Variants in IGSF11 observed in about 807,000 individuals in gnomAD.
IGSF11 encodes the protein CXADR like 1.
IGSF11 carries 22 observed loss-of-function variants against 41.0 expected under a neutral mutation model. The observed-to-expected ratio is 0.54, with a 90% CI of 0.38 to 0.77. The LOEUF (loss-of-function observed/expected upper bound fraction) is 0.77, where lower values mean the gene tolerates loss of function less well. Among genes scored for constraint, IGSF11 ranks in the 30% least tolerant of loss-of-function variants. The pLI is 0.00. For synonymous variants in IGSF11, 219 were observed against 201.3 expected (o/e 1.09, Z -0.74); for missense variants, 444 against 530.8 (o/e 0.84, Z 1.61).
At chr3:118,921,852 A>C (rs1434522862) in intron 4 of IGSF11, among the ~76,000 whole-genome samples, 2 of 152,202 alleles carry the variant, frequency 1.3e-5, no homozygotes, top group Non-Finnish European at 2.9e-5. Context: ...GTAGTCAAAA[A>C]TCTACCAAAA....
intron 1 of IGSF11, among the ~76,000 whole-genome samples, chr3:118,965,736 G>A (rs540571701): frequency 2.4e-4 from 37 of 152,004 alleles, no homozygotes; most frequent in Non-Finnish European, 3.8e-4. Context: ...AAGCATTAGG[G>A]TAATTTTAAT....
At chr3:119,009,182 A>T in intron 1 of IGSF11, among the ~76,000 whole-genome samples, 1 of 151,834 alleles carries the variant, frequency 6.6e-6, no homozygotes, top group East Asian at 1.9e-4. Context: ...TAAATTTTAG[A>T]GGCCAACTAA....
At chr3:119,081,406 T>C (rs1297155654) in intron 1 of IGSF11, among the ~76,000 whole-genome samples, 1 of 152,182 alleles carries the variant, frequency 6.6e-6, no homozygotes, top group Non-Finnish European at 1.5e-5. Context: ...ATAACCATAA[T>C]ACCTAGGTGA....
At chr3:118,971,890 A>AAAATTTT (rs1933484117) in intron 1 of IGSF11, among the ~76,000 whole-genome samples, 1 of 152,150 alleles carries the variant, frequency 6.6e-6, no homozygotes, top group African/African-American at 2.4e-5. Flanking sequence ...CTGATACCTG[A>AAAATTTT]AAATTTTAGT....
intron 1 of IGSF11, among the ~76,000 whole-genome samples, chr3:119,139,052 T>C (rs2077602696): frequency 6.6e-6 from 1 of 152,148 alleles, no homozygotes; most frequent in Non-Finnish European, 1.5e-5. Context: ...GATAAATGCT[T>C]GAGGTGACAG....
At position 119,051,159 on chromosome 3, in the gene IGSF11, A is replaced by G. The variant is rs1431658510; in HGVS notation, c.49+53985T>C. Among the ~76,000 whole-genome samples the G allele has an allele frequency of 2.7e-5, 4 of 150,832 alleles. No homozygotes were observed. In the East Asian group the frequency reaches 7.8e-4, roughly 29 times the overall value. ...CTTAAAGTATAATAATAATTAATAA[A>G]TAAATAAATAAATAAATAAATTTCA... is the stretch of plus-strand genomic sequence containing the variant. On this transcript the variant is annotated intron_variant, in intron 1 of 6. Transcript: ENST00000354673.
chr3:119,023,438 G>A (rs1939511206), intron 1 of IGSF11, among the ~76,000 whole-genome samples: 1 of 152,114 alleles, frequency 6.6e-6, no homozygotes, highest in Non-Finnish European at 1.5e-5. Context: ...GCATAGTGCT[G>A]CTACAATTGA....
At chr3:119,075,101 G>C (rs1157127239) in intron 1 of IGSF11, among the ~76,000 whole-genome samples, 3 of 152,118 alleles carry the variant, frequency 2.0e-5, no homozygotes, top group Admixed American at 2.0e-4. Context: ...GACAAATAAA[G>C]AGAAAAGAGA....
At chr3:119,101,518 C>CA (rs1160555180) in intron 1 of IGSF11, among the ~76,000 whole-genome samples, 2 of 151,586 alleles carry the variant, frequency 1.3e-5, no homozygotes, top group South Asian at 2.1e-4. Flanking sequence ...TCTCAAAAAA[C>CA]AAAAAAAGTA....
chr3:118,917,142 A>G lies in IGSF11; in HGVS notation c.580+8959T>C, dbSNP rs1941216433. 1.3e-5 allele frequency among the ~76,000 whole-genome samples: 2 copies of G among 150,886 alleles called. 1 individual carries two copies. ...GGGAAATTTATAGCACTAAATGCCC[A>G]CAAGAGAAAGCAGGAAAGATCCAAA... On this transcript the variant is annotated intron_variant, in intron 4 of 6. Transcript: ENST00000393775.
At chr3:119,091,709 G>A (rs1330401053) in intron 1 of IGSF11, among the ~76,000 whole-genome samples, 1 of 152,142 alleles carries the variant, frequency 6.6e-6, no homozygotes, top group African/African-American at 2.4e-5. Context: ...TAGGGAAGAA[G>A]TGAGTGGGAG....
At chr3:118,955,644 C>T (rs924837645) in intron 1 of IGSF11, among the ~76,000 whole-genome samples, 2 of 151,938 alleles carry the variant, frequency 1.3e-5, no homozygotes, top group East Asian at 1.9e-4. Flanking sequence ...CAGTAGGTCT[C>T]GACAGGTGGC....
intron 1 of IGSF11, among the ~76,000 whole-genome samples, chr3:118,960,062 A>G (rs1311882535): frequency 6.6e-6 from 1 of 151,554 alleles, no homozygotes; most frequent in Admixed American, 6.6e-5. Context: ...AAAAAAAAAG[A>G]AATAACAAAT....
rs138086556 is a variant in IGSF11 at position 118,920,311 on chromosome 3, A to G, written c.580+5790T>C. ...TGATACAAGATGATTTAAATAAAAG[A>G]CCTCTTTAAATATCAAAAAATAAAT... On this transcript the variant is annotated intron_variant, in intron 4 of 6. Coordinates refer to ENST00000393775, the MANE Select transcript of IGSF11 (RefSeq NM_001015887.3). Among the ~76,000 whole-genome samples, 670 of 151,360 alleles carry G rather than the reference A, an allele frequency of 4.4e-3. 11 individuals carry two copies. The highest frequency in any genetic ancestry group is 0.015 in the African/African-American group (640 of 41,334).
intron 1 of IGSF11, among the ~76,000 whole-genome samples, chr3:118,978,549 C>G (rs534927180): frequency 2.2e-4 from 34 of 152,344 alleles, no homozygotes; most frequent in African/African-American, 8.2e-4. Context: ...AGGGCAGGCA[C>G]AGTCAGCTCC....
At chr3:118,959,223 C>T (rs80129252) in intron 1 of IGSF11, among the ~76,000 whole-genome samples, 2,047 of 152,200 alleles carry the variant, frequency 0.013, 56 homozygotes, top group African/African-American at 0.047. Context: ...CTCCCTGCCA[C>T]GAATTGTGGA....
intron 1 of IGSF11, among the ~76,000 whole-genome samples, chr3:119,050,848 G>A (rs1941591813): frequency 6.6e-6 from 1 of 151,896 alleles, no homozygotes; most frequent in Non-Finnish European, 1.5e-5. Context: ...CCTTTGTAGG[G>A]ACATGGATGA....
chr3:118,952,369 A>AT (rs1307944970), intron 1 of IGSF11, among the ~76,000 whole-genome samples: 1 of 152,146 alleles, frequency 6.6e-6, no homozygotes, highest in Non-Finnish European at 1.5e-5. Flanking sequence ...GTTTGATAGC[A>AT]TTTACCTACA....
intron 1 of IGSF11, among the ~76,000 whole-genome samples, chr3:118,959,719 G>C (rs551864404): frequency 3.0e-4 from 45 of 152,166 alleles, no homozygotes; most frequent in Non-Finnish European, 5.0e-4. Flanking sequence ...GTACCCATGT[G>C]TGTTTAATTA....
Sources: allele counts gnomAD v4.1 joint callset (sites outside exome capture counted in the v4.1 genomes callset), GRCh38; gene constraint gnomAD v4.1.1; transcripts MANE v1.5; gene names NCBI Gene and HGNC (gene_info 2026-07-23, HGNC 2026-07-21).